The following VPS53 variants were observed in gnomAD, a reference collection of about 807,000 sequenced individuals.
VPS53 encodes VPS53 subunit of GARP complex, also known as vacuolar protein sorting-associated protein 53 homolog.
Under a neutral mutation model 107.0 loss-of-function variants are expected in VPS53, and 70 were observed. That is an observed-to-expected ratio of 0.65 (90% confidence interval 0.54 to 0.80). VPS53 has a LOEUF of 0.80. VPS53 is among the 30% of genes least tolerant of loss of function. The pLI is 0.00. For missense variants in VPS53, 917 were observed against 1,049.4 expected (o/e 0.87, Z 1.74); for synonymous variants, 409 against 393.3 (o/e 1.04, Z -0.47).
chr17:689,381 T>G (rs1198890330), intron 4 of VPS53, among the ~76,000 whole-genome samples: 2 of 150,802 alleles, frequency 1.3e-5, no homozygotes, highest in Admixed American at 6.6e-5. Flanking sequence ...TGCTGTAACC[T>G]CAAACCCCTG....
chr17:643,228 T>G (rs574640695), intron 7 of VPS53, among the ~76,000 whole-genome samples: 9 of 48,462 alleles, frequency 1.9e-4, no homozygotes, highest in Admixed American at 4.5e-4. Context: ...CACTCATACT[T>G]GGAAACCGAG....
rs1909455156 is a variant in VPS53 at position 530,472 on chromosome 17, C to A, written c.2085+2370G>T. On this transcript the variant is annotated intron_variant, in intron 19 of 21. Transcript: ENST00000437048. ...CCGGCCTGCTAAATTTATATTCTAA[C>A]AGTTTATCTGTAGATCCTTTTAGAT... Among the ~76,000 whole-genome samples, 7 of 152,162 alleles carry A rather than the reference C, an allele frequency of 4.6e-5. No homozygotes were observed. The South Asian group carries it at 1.5e-3, about 32-fold the overall frequency.
At chr17:664,406 A>C (rs913085647) in intron 4 of VPS53, among the ~76,000 whole-genome samples, 1 of 152,128 alleles carries the variant, frequency 6.6e-6, no homozygotes, top group African/African-American at 2.4e-5. Flanking sequence ...AGCAGAGAGA[A>C]AAGCAAATGT....
At chr17:636,696 T>C (rs1970210816) in intron 7 of VPS53, among the ~76,000 whole-genome samples, 1 of 152,248 alleles carries the variant, frequency 6.6e-6, no homozygotes, top group South Asian at 2.1e-4. Flanking sequence ...TGTCTTTGGT[T>C]CTGTTTATAT....
chr17:683,963 T>C (rs1448479262), intron 4 of VPS53, among the ~76,000 whole-genome samples: 6 of 152,120 alleles, frequency 3.9e-5, no homozygotes, highest in African/African-American at 9.7e-5. Flanking sequence ...AAAAACAAGA[T>C]GTGGGGCAGA....
intron 17 of VPS53, among the ~76,000 whole-genome samples, chr17:541,033 C>T (rs1043575169): frequency 6.6e-6 from 1 of 152,178 alleles, no homozygotes; most frequent in Non-Finnish European, 1.5e-5. Context: ...AATGTGAATA[C>T]TTAAATTCCT....
At chr17:521,778 C>T (rs534040487) in intron 19 of VPS53, 40 bp from the exon 20 acceptor site, 13 of 1,448,422 alleles carry the variant, frequency 9.0e-6, no homozygotes, top group South Asian at 2.9e-5. Context: ...CCCCTTCCAG[C>T]GACCCAGTGC....
chr17:591,356 G>A (rs1369475319), intron 12 of VPS53, among the ~76,000 whole-genome samples: 1 of 152,044 alleles, frequency 6.6e-6, no homozygotes, highest in Non-Finnish European at 1.5e-5. Flanking sequence ...TTTTTTGAAG[G>A]GTTTTTTGTG....
intron 10 of VPS53, among the ~76,000 whole-genome samples, chr17:625,475 T>TAA (rs34322673): frequency 0.019 from 2,601 of 136,392 alleles, 37 homozygotes; most frequent in East Asian, 0.07. Context: ...CCCCATCTCT[T>TAA]AAAAAAAAAA....
At chr17:692,265 T>C (rs1044906071) in intron 4 of VPS53, among the ~76,000 whole-genome samples, 8 of 152,164 alleles carry the variant, frequency 5.3e-5, no homozygotes, top group African/African-American at 1.9e-4. Flanking sequence ...GCTGCAAAAA[T>C]TTCATAGCAT....
chr17:597,487 G>A (rs115024500), intron 12 of VPS53, among the ~76,000 whole-genome samples: 1 of 152,172 alleles, frequency 6.6e-6, no homozygotes, highest in Non-Finnish European at 1.5e-5. Flanking sequence ...GCATGTAAGT[G>A]TTATTACTAA....
chr17:654,669 G>A (rs1178777544), intron 6 of VPS53, among the ~76,000 whole-genome samples: 4 of 150,046 alleles, frequency 2.7e-5, no homozygotes, highest in Non-Finnish European at 5.9e-5. Flanking sequence ...CCCGGGAGGC[G>A]GAGCTTGCAG....
chr17:710,106 T>C lies in VPS53; in HGVS notation c.168+427A>G, dbSNP rs529412916. On this transcript the variant is annotated intron_variant, in intron 2 of 21. Transcript: ENST00000437048. ...GTTGCAGTGAGCCGAGACCGCGCCATTGCACTCCAGCCTGAACGACAACAG... is the reference window on the plus strand; with the variant it reads ...GTTGCAGTGAGCCGAGACCGCGCCACTGCACTCCAGCCTGAACGACAACAG... 7.9e-5 allele frequency among the ~76,000 whole-genome samples: 12 copies of C among 152,094 alleles called. No individual in the cohort carries two copies. In the South Asian group the frequency reaches 2.3e-3, roughly 29 times the overall value.
At chr17:604,211 G>A (rs916446511) in intron 11 of VPS53, among the ~76,000 whole-genome samples, 6 of 152,144 alleles carry the variant, frequency 3.9e-5, no homozygotes, top group East Asian at 3.9e-4. Flanking sequence ...TGTCAGTGAC[G>A]TGGACTGAGA....
chr17:579,123 C>T, intron 13 of VPS53, among the ~76,000 whole-genome samples: 1 of 151,718 alleles, frequency 6.6e-6, no homozygotes, highest in East Asian at 2.0e-4. Context: ...CAGAGAACAT[C>T]CCTCAGAACC....
chr17:655,339 GA>G (rs1971144635), intron 6 of VPS53, among the ~76,000 whole-genome samples: 1 of 151,718 alleles, frequency 6.6e-6, no homozygotes, highest in Admixed American at 6.6e-5. Flanking sequence ...TTGAATGATT[GA>G]GTTCTGTCTC....
Position 631,600 on chromosome 17 carries a change from G to C in VPS53, c.637C>G (p.Gln213Glu). Reference sequence around the variant, plus strand: ...TCTTCAAAATCTGCCAGGATTTGCTGTCCTAACTCAGTCTGTGCAGCCTTC... The same window carrying C: ...TCTTCAAAATCTGCCAGGATTTGCTCTCCTAACTCAGTCTGTGCAGCCTTC... ...RVKAAQTELG[Q>E]QILADFEEAF... Residue 213 changes from glutamine (Q) to glutamate (E), a missense_variant, in exon 8 of 22, where the codon CAG becomes GAG. Gln to Glu is a conservative substitution (Grantham distance 29). Coordinates refer to ENST00000437048, the MANE Select transcript of VPS53 (RefSeq NM_001128159.3). 1.9e-6 allele frequency: 3 copies of C among 1,614,092 alleles called. No homozygotes were observed. The highest frequency in any genetic ancestry group is 1.1e-5 in the South Asian group (1 of 91,072).
chr17:539,750 T>C (rs1411407484), intron 17 of VPS53, among the ~76,000 whole-genome samples: 2 of 152,156 alleles, frequency 1.3e-5, no homozygotes, highest in African/African-American at 2.4e-5. Flanking sequence ...CCAGGATAGC[T>C]ACATTAAGAC....
intron 2 of VPS53, chr17:705,767 G>A (rs538795900): frequency 6.6e-6 from 1 of 152,254 alleles, no homozygotes; most frequent in African/African-American, 2.4e-5. Flanking sequence ...AGCTGGGTGT[G>A]GTGGCACACA....
Sources: allele counts gnomAD v4.1 joint callset (sites outside exome capture counted in the v4.1 genomes callset), GRCh38; gene constraint gnomAD v4.1.1; transcripts MANE v1.5; gene names NCBI Gene and HGNC (gene_info 2026-07-23, HGNC 2026-07-21).